Variants in TMEM132C observed in about 807,000 individuals in gnomAD.
The protein encoded by TMEM132C is protein phosphatase 1, regulatory subunit 152.
Under a neutral mutation model 61.4 loss-of-function variants are expected in TMEM132C, and 29 were observed. The observed-to-expected ratio is 0.47, with a 90% CI of 0.35 to 0.64. The LOEUF (loss-of-function observed/expected upper bound fraction) is 0.64, where lower values mean the gene tolerates loss of function less well. Among genes scored for constraint, TMEM132C ranks in the 30% least tolerant of loss-of-function variants. The pLI is 0.00. For synonymous variants in TMEM132C, 656 were observed against 633.1 expected (o/e 1.04, Z -0.54); for missense variants, 1,408 against 1,476.9 (o/e 0.95, Z 0.76).
At chr12:128,585,784 C>T (rs1397360380) in intron 3 of TMEM132C, among the ~76,000 whole-genome samples, 2 of 152,154 alleles carry the variant, frequency 1.3e-5, no homozygotes, top group African/African-American at 2.4e-5. Flanking sequence ...GAAATCGGCC[C>T]GTCGCTGAAG....
intron 2 of TMEM132C, among the ~76,000 whole-genome samples, chr12:128,516,396 C>T (rs995903494): frequency 3.9e-5 from 6 of 152,082 alleles, no homozygotes; most frequent in South Asian, 2.1e-4. Context: ...ATTCCACGTC[C>T]GAGGCGTTCC....
chr12:128,598,786 C>T (rs1037768262), intron 3 of TMEM132C, among the ~76,000 whole-genome samples: 13 of 150,978 alleles, frequency 8.6e-5, no homozygotes, highest in African/African-American at 2.4e-4. Context: ...TCATAGCCCT[C>T]GCCACATTTT....
intron 5 of TMEM132C, among the ~76,000 whole-genome samples, chr12:128,689,994 C>G (rs1954706868): frequency 6.6e-6 from 1 of 152,208 alleles, no homozygotes; most frequent in Admixed American, 6.5e-5. Flanking sequence ...GATGCCTCTG[C>G]CTTCCCCTTG....
At chr12:128,591,487 C>T (rs748843935) in intron 3 of TMEM132C, among the ~76,000 whole-genome samples, 4 of 152,112 alleles carry the variant, frequency 2.6e-5, no homozygotes, top group African/African-American at 4.8e-5. Flanking sequence ...TTTGTTCAAC[C>T]GTTTGTCAGC....
In TMEM132C at chr12:128,617,821, C is replaced by T. The variant is rs573073449; in HGVS notation, c.1305+1486C>T. Among the ~76,000 whole-genome samples, 1,465 of 152,248 alleles carry T rather than the reference C, an allele frequency of 9.6e-3. 27 individuals are homozygous for T. The highest frequency in any genetic ancestry group is 0.033 in the African/African-American group (1,385 of 41,536). ...CTGGTCAGACAAAATAGCAGATGTGCACCCCAGAAGGTATCATCTACCATA... is the reference window on the plus strand; with the variant it reads ...CTGGTCAGACAAAATAGCAGATGTGTACCCCAGAAGGTATCATCTACCATA... On this transcript the variant is annotated intron_variant, in intron 4 of 8. Transcript: ENST00000435159.
At chr12:128,432,350 C>G (rs544431622) in intron 2 of TMEM132C, among the ~76,000 whole-genome samples, 2 of 152,254 alleles carry the variant, frequency 1.3e-5, no homozygotes, top group African/African-American at 4.8e-5. Context: ...TAGTAATTCC[C>G]CTGAGGAATC....
chr12:128,346,387 G>T (rs1431404934), intron 1 of TMEM132C, among the ~76,000 whole-genome samples: 1 of 152,070 alleles, frequency 6.6e-6, no homozygotes, highest in Non-Finnish European at 1.5e-5. Flanking sequence ...GGCTATTTGG[G>T]TTCCTTTTTT....
chr12:128,428,274 A>G (rs955933201), intron 2 of TMEM132C, among the ~76,000 whole-genome samples: 1 of 152,000 alleles, frequency 6.6e-6, no homozygotes, highest in South Asian at 2.1e-4. Context: ...TTCAGGTACA[A>G]ATGCATCAGG....
intron 2 of TMEM132C, among the ~76,000 whole-genome samples, chr12:128,521,877 C>G (rs146197796): frequency 3.3e-5 from 5 of 152,158 alleles, no homozygotes; most frequent in Admixed American, 2.0e-4. Flanking sequence ...TCCCTATCAA[C>G]GGCTTCTTGT....
At chr12:128,681,516 A>G (rs977425003) in intron 5 of TMEM132C, among the ~76,000 whole-genome samples, 1 of 152,188 alleles carries the variant, frequency 6.6e-6, no homozygotes, top group Non-Finnish European at 1.5e-5. Context: ...GGCTGGATCC[A>G]GGGGCTCAAA....
intron 2 of TMEM132C, among the ~76,000 whole-genome samples, chr12:128,496,950 G>A (rs529251278): frequency 2.6e-5 from 4 of 152,060 alleles, no homozygotes; most frequent in Non-Finnish European, 4.4e-5. Flanking sequence ...GTTTTTTCCC[G>A]ATCTTTGTGG....
chr12:128,535,173 A>T (rs1873476426), intron 2 of TMEM132C, among the ~76,000 whole-genome samples: 1 of 152,170 alleles, frequency 6.6e-6, no homozygotes, highest in South Asian at 2.1e-4. Context: ...GTATTTAGTG[A>T]ATCATTTAAT....
At chr12:128,586,789 C>T (rs965587965) in intron 3 of TMEM132C, among the ~76,000 whole-genome samples, 10 of 152,228 alleles carry the variant, frequency 6.6e-5, no homozygotes, top group East Asian at 5.8e-4. Context: ...CCTGAAGCCA[C>T]GTCTGGCTCA....
At chr12:128,367,551 C>G (rs1177392187) in intron 1 of TMEM132C, among the ~76,000 whole-genome samples, 1 of 152,166 alleles carries the variant, frequency 6.6e-6, no homozygotes, top group East Asian at 1.9e-4. Context: ...TCCAAGGGCT[C>G]TGGCACTGCC....
intron 3 of TMEM132C, among the ~76,000 whole-genome samples, chr12:128,572,421 G>A (rs1272325693): frequency 6.6e-6 from 1 of 151,390 alleles, no homozygotes; most frequent in Admixed American, 6.6e-5. Context: ...GGCTGGTGCT[G>A]GCCTCTGATT....
At chr12:128,529,554 C>T (rs150702258) in intron 2 of TMEM132C, among the ~76,000 whole-genome samples, 328 of 152,274 alleles carry the variant, frequency 2.2e-3, no homozygotes, top group African/African-American at 6.8e-3. Flanking sequence ...GAGGCCAAGG[C>T]GGGTGGATCA....
intron 3 of TMEM132C, among the ~76,000 whole-genome samples, chr12:128,563,899 A>T (rs1160982831): frequency 1.3e-5 from 2 of 152,180 alleles, no homozygotes; most frequent in Non-Finnish European, 2.9e-5. Flanking sequence ...GAATTTTTGC[A>T]CTCAGACCTT....
intron 5 of TMEM132C, among the ~76,000 whole-genome samples, chr12:128,670,286 G>A (rs980911817): frequency 6.6e-6 from 1 of 152,198 alleles, no homozygotes; most frequent in Admixed American, 6.5e-5. Flanking sequence ...TCCAGCCTGG[G>A]TGGCAGAGCG....
At chr12:128,356,203 C>T (rs757581509) in intron 1 of TMEM132C, among the ~76,000 whole-genome samples, 2 of 152,162 alleles carry the variant, frequency 1.3e-5, no homozygotes, top group Admixed American at 6.5e-5. Flanking sequence ...GTATGGAAAA[C>T]GCACCTTTAA....
Sources: gnomAD v4.1 joint callset for allele counts (sites outside exome capture counted in the v4.1 genomes callset) on GRCh38, gnomAD v4.1.1 for gene constraint, MANE v1.5 for transcripts, NCBI Gene and HGNC (gene_info 2026-07-23, HGNC 2026-07-21) for gene names.